LAMP3: variants seen among roughly 807,000 people sequenced by gnomAD.
LAMP3 encodes lysosome associated membrane protein 3, also known as lysosome-associated membrane glycoprotein 3.
Under a neutral mutation model 34.8 loss-of-function variants are expected in LAMP3, and 26 were observed. That is an observed-to-expected ratio of 0.75 (90% CI 0.55 to 1.04). The LOEUF is 1.04. Ranked by LOEUF, LAMP3 falls within the 50% of genes least tolerant of loss-of-function variation. The pLI is 0.00. For missense variants in LAMP3, 495 were observed against 524.0 expected (o/e 0.94, Z 0.54); for synonymous variants, 180 against 201.9 (o/e 0.89, Z 0.92).
chr3:183,140,610 G>A lies in LAMP3; in HGVS notation c.889-15C>T. 6.4e-7 allele frequency: 1 copy of A among 1,551,918 alleles called. No individual in the cohort carries two copies. The highest frequency in any genetic ancestry group is 1.1e-5 in the South Asian group (1 of 89,142). On this transcript the variant is annotated splice_polypyrimidine_tract_variant and intron_variant, in intron 3 of 5. Transcript: ENST00000265598. ...GATTCTTCATCCTGTAAAACAGTAG[G>A]GTGTTAACCTTTGGGTTATCTCTAC...
At chr3:183,145,081 A>G (rs979983165) in intron 3 of LAMP3, among the ~76,000 whole-genome samples, 1 of 152,158 alleles carries the variant, frequency 6.6e-6, no homozygotes, top group Non-Finnish European at 1.5e-5. Flanking sequence ...AGAAAGGGAT[A>G]GTCCTGTGCA....
rs968847932 is a variant in LAMP3, at chr3:183,162,622, A to G, written c.34T>C (p.Phe12Leu). 4.5e-6 allele frequency: 7 copies of G among 1,545,336 alleles called. No individual in the cohort carries two copies. The highest frequency in any genetic ancestry group is 2.0e-5 in the Admixed American group (1 of 50,858). ...PRQLSAAAALFASLAVILHDG... is the reference protein window; with the variant it reads ...PRQLSAAAALLASLAVILHDG... ...GGCCACTCACCGGCCAGGGACGCGA[A>G]GAGCGCGGCCGCCGCGCTGAGCTGC... The change falls in exon 1 of 6, where the codon TTC (phenylalanine) becomes CTC (leucine). Residue 12 changes from phenylalanine to leucine, a missense_variant. Transcript: ENST00000265598.
At chr3:183,152,325 G>A (rs913963602) in intron 3 of LAMP3, 50 bp downstream of exon 3, 14 of 1,532,124 alleles carry the variant, frequency 9.1e-6, no homozygotes, top group Non-Finnish European at 1.2e-5. Context: ...GGATGAGGGA[G>A]AGGGAAAGCT....
chr3:183,141,378 G>T (rs1389213295), intron 3 of LAMP3, among the ~76,000 whole-genome samples: 1 of 152,060 alleles, frequency 6.6e-6, no homozygotes, highest in Non-Finnish European at 1.5e-5. Flanking sequence ...AAAAACAAAG[G>T]GTCTGAAACC....
intron 1 of LAMP3, chr3:183,160,998 G>A (rs1293639296): frequency 1.3e-5 from 2 of 152,480 alleles, no homozygotes; most frequent in East Asian, 3.9e-4. Context: ...AGGTTGTGAG[G>A]TGAATGGGAG....
chr3:183,162,745 C>A (rs1207409987), upstream of LAMP3: 6 of 1,215,954 alleles, frequency 4.9e-6, no homozygotes, highest in Non-Finnish European at 5.5e-6. Flanking sequence ...GCCGGAGAAA[C>A]GAAACCACCT....
chr3:183,125,083 T>C (rs995563031), intron 5 of LAMP3, among the ~76,000 whole-genome samples: 1 of 152,230 alleles, frequency 6.6e-6, no homozygotes, highest in African/African-American at 2.4e-5. Flanking sequence ...TCAATTCATT[T>C]AATGTAATTG....
rs56888055 is a variant in LAMP3 at position 183,134,232 on chromosome 3, T to G, written c.1117+1485A>C. Among the ~76,000 whole-genome samples the G allele has an allele frequency of 1.3e-3, 203 of 152,206 alleles. 2 individuals carry two copies. Among genetic ancestry groups the G allele is most frequent in the African/African-American group, 4.5e-3 (185 of 41,526 alleles). ...GGAATTGTTAGGGCTTTGTGACTATTTGTATGAGAGGGTGCTGGAGGGAGA... is the reference window on the plus strand; with the variant it reads ...GGAATTGTTAGGGCTTTGTGACTATGTGTATGAGAGGGTGCTGGAGGGAGA... On this transcript the variant is annotated intron_variant, in intron 5 of 5. Coordinates refer to ENST00000265598, the MANE Select transcript of LAMP3 (RefSeq NM_014398.4).
At chr3:183,126,534 A>ATG (rs111747229) in intron 5 of LAMP3, among the ~76,000 whole-genome samples, 13,034 of 149,660 alleles carry the variant, frequency 0.087, 674 homozygotes, top group African/African-American at 0.15. Context: ...TCCTCTGTGA[A>ATG]TGTGTGTGTG....
intron 3 of LAMP3, among the ~76,000 whole-genome samples, chr3:183,147,932 A>T (rs1388207213): frequency 6.6e-6 from 1 of 152,034 alleles, no homozygotes; most frequent in African/African-American, 2.4e-5. Context: ...GCCCAGGCTG[A>T]TCTCAAACTC....
chr3:183,126,376 A>C (rs1235611584), intron 5 of LAMP3, among the ~76,000 whole-genome samples: 1 of 152,108 alleles, frequency 6.6e-6, no homozygotes, highest in African/African-American at 2.4e-5. Context: ...GGCAACTTTT[A>C]CTCTCTCTTG....
Position 183,153,783 on chromosome 3 carries a change from G to C in LAMP3, c.658C>G (p.Pro220Ala), listed in dbSNP as rs760683858. 3 of 1,579,102 alleles carry C rather than the reference G, an allele frequency of 1.9e-6. No homozygotes were observed. Among genetic ancestry groups the C allele is most frequent in the Non-Finnish European group, 2.6e-6 (3 of 1,163,036 alleles). Reference protein sequence around the residue: ...TVPGPTLAPQPSSVKTGIYQV... With the variant: ...TVPGPTLAPQASSVKTGIYQV... ...TAAATTCCAGTCTTGACTGACGATG[G>C]CTGAGGTGCAAGGGTGGGCCCAGGA... The change falls in exon 2 of 6, where the codon CCA (proline) becomes GCA (alanine). Residue 220 changes from proline (P) to alanine (A), a missense_variant. Coordinates refer to ENST00000265598, the MANE Select transcript of LAMP3 (RefSeq NM_014398.4).
At chr3:183,136,761 A>AGAAACCT (rs1720109310) in intron 4 of LAMP3, among the ~76,000 whole-genome samples, 1 of 151,706 alleles carries the variant, frequency 6.6e-6, no homozygotes, top group African/African-American at 2.4e-5. Context: ...ACCTGGGGAG[A>AGAAACCT]GAAACCTGCC....
Position 183,152,419 on chromosome 3 carries a change from G to C in LAMP3, c.844C>G (p.Leu282Val). 1.7e-5 allele frequency: 28 copies of C among 1,612,960 alleles called. No individual in the cohort carries two copies. Among genetic ancestry groups the C allele is most frequent in the Non-Finnish European group, 2.3e-5 (27 of 1,179,598 alleles). Reference sequence around the variant, plus strand: ...ACAAATCCGCCCTGAAAATTCAACAGAAGGTTGGATTTTCGGGTGCCACAG... The same window carrying C: ...ACAAATCCGCCCTGAAAATTCAACACAAGGTTGGATTTTCGGGTGCCACAG... ...GNCGTRKSNLLLNFQGGFVNL... is the reference protein window; with the variant it reads ...GNCGTRKSNLVLNFQGGFVNL... Residue 282 changes from leucine to valine, a missense_variant, in exon 3 of 6, where the codon CTG (leucine) becomes GTG (valine). Transcript: ENST00000265598.
chr3:183,138,557 TTGAGGCCTC>T (rs886270881), intron 4 of LAMP3, among the ~76,000 whole-genome samples: 1 of 152,184 alleles, frequency 6.6e-6, no homozygotes, highest in Non-Finnish European at 1.5e-5. Context: ...AGGGAAACAT[TTGAGGCCTC>T]TGAGAGACAT....
chr3:183,131,833 C>T, intron 5 of LAMP3: 11 of 701,706 alleles, frequency 1.6e-5, no homozygotes, highest in Non-Finnish European at 1.9e-5. Flanking sequence ...GAATGAAAAA[C>T]CCCCATCAAT....
intron 5 of LAMP3, among the ~76,000 whole-genome samples, chr3:183,134,901 C>T (rs758445935): frequency 5.3e-5 from 8 of 152,220 alleles, no homozygotes; most frequent in Non-Finnish European, 8.8e-5. Context: ...AATTGAAGTA[C>T]ATGACCCTCC....
chr3:183,127,441 AAT>A (rs1719807889), intron 5 of LAMP3, among the ~76,000 whole-genome samples: 1 of 151,954 alleles, frequency 6.6e-6, no homozygotes, highest in South Asian at 2.1e-4. Context: ...CCAAATTTTG[AAT>A]AGTTATGTCA....
chr3:183,137,483 G>T (rs1720133462), intron 4 of LAMP3, among the ~76,000 whole-genome samples: 1 of 152,146 alleles, frequency 6.6e-6, no homozygotes, highest in African/African-American at 2.4e-5. Flanking sequence ...CTGCTTAGTA[G>T]TTACAGTAAG....
Sources: allele counts gnomAD v4.1 joint callset (sites outside exome capture counted in the v4.1 genomes callset), GRCh38; gene constraint gnomAD v4.1.1; transcripts MANE v1.5; gene names NCBI Gene and HGNC (gene_info 2026-07-23, HGNC 2026-07-21).